MED6: variants seen among roughly 807,000 people sequenced by gnomAD.
MED6 encodes the protein mediator complex subunit 6, also known as mediator of RNA polymerase II transcription subunit 6.
Under a neutral mutation model 37.5 loss-of-function variants are expected in MED6, and 33 were observed. That is an observed-to-expected ratio of 0.88 (90% CI 0.67 to 1.18). The LOEUF (loss-of-function observed/expected upper bound fraction) is 1.18. Ranked by LOEUF, MED6 falls within the 50% of genes most tolerant of loss-of-function variation. The pLI is 0.00. For synonymous variants in MED6, 94 were observed against 93.6 expected (o/e 1.00, Z -0.02); for missense variants, 235 against 290.6 (o/e 0.81, Z 1.39).
intron 6 of MED6, among the ~76,000 whole-genome samples, chr14:70,586,057 A>G (rs531254589): frequency 2.0e-5 from 3 of 152,318 alleles, no homozygotes; most frequent in African/African-American, 7.2e-5. Flanking sequence ...ACATTTAACA[A>G]AGACTTCCAC....
intron 6 of MED6, among the ~76,000 whole-genome samples, chr14:70,590,414 C>T (rs977920312): frequency 1.3e-5 from 2 of 152,224 alleles, no homozygotes; most frequent in African/African-American, 4.8e-5. Flanking sequence ...CTTGTGTCCT[C>T]TGCTCTCTTC....
At chr14:70,585,636 C>G in intron 7 of MED6, 120 bp downstream of exon 7, 1 of 755,424 alleles carries the variant, frequency 1.3e-6, no homozygotes, top group African/African-American at 1.9e-5. Flanking sequence ...CCAATGAGAC[C>G]CAGCCCCAGC....
chr14:70,586,584 C>T (rs574023793), intron 6 of MED6, among the ~76,000 whole-genome samples: 7 of 152,304 alleles, frequency 4.6e-5, no homozygotes, highest in Admixed American at 6.5e-5. Flanking sequence ...TACCTTATTA[C>T]TTCCATATCA....
chr14:70,584,766 T>G lies in MED6; in HGVS notation c.*47A>C, dbSNP rs1411881895. ...GCTCAAGAGCCACAGTACTGAGGTA[T>G]GATAACTAGCATGAGGAGTCTTCCA... On this transcript the variant is annotated 3_prime_UTR_variant, in exon 8 of 8. Coordinates refer to ENST00000256379, the MANE Select transcript of MED6 (RefSeq NM_005466.4). The G allele has an allele frequency of 2.5e-6, 4 of 1,596,018 alleles. No individual in the cohort carries two copies. In the African/African-American group the frequency reaches 4.1e-5, roughly 16 times the overall value.
chr14:70,591,188 A>C (rs1884859300), intron 6 of MED6, 78 bp downstream of exon 6: 5 of 1,114,256 alleles, frequency 4.5e-6, no homozygotes, highest in Non-Finnish European at 6.6e-6. Flanking sequence ...TCACATCTGA[A>C]ACAGTTCTCA....
intron 6 of MED6, among the ~76,000 whole-genome samples, chr14:70,590,715 G>T (rs550373880): frequency 1.3e-5 from 2 of 152,260 alleles, no homozygotes; most frequent in South Asian, 4.1e-4. Flanking sequence ...AGGTGGATTT[G>T]CTATTGCTGT....
At chr14:70,585,443 G>C (rs1358231547) in intron 7 of MED6, among the ~76,000 whole-genome samples, 1 of 152,140 alleles carries the variant, frequency 6.6e-6, no homozygotes, top group Non-Finnish European at 1.5e-5. Context: ...ACTACAATGG[G>C]AGACTCTAGA....
intron 3 of MED6, chr14:70,596,408 C>A (rs947741316): frequency 4.2e-6 from 2 of 480,422 alleles, no homozygotes; most frequent in African/African-American, 3.8e-5. Context: ...GGCTGCGTAC[C>A]CTTACTGTGT....
chr14:70,584,764 T>C lies in MED6; in HGVS notation c.*49A>G. On this transcript the variant is annotated 3_prime_UTR_variant, in exon 8 of 8. Coordinates refer to ENST00000256379, the MANE Select transcript of MED6 (RefSeq NM_005466.4). ...AAGCTCAAGAGCCACAGTACTGAGG[T>C]ATGATAACTAGCATGAGGAGTCTTC... 1.9e-6 allele frequency: 3 copies of C among 1,593,526 alleles called. No homozygotes were observed. The South Asian group carries it at 3.4e-5, about 18-fold the overall frequency.
chr14:70,585,148 G>C (rs945865810), intron 7 of MED6, among the ~76,000 whole-genome samples: 1 of 152,034 alleles, frequency 6.6e-6, no homozygotes, highest in African/African-American at 2.4e-5. Context: ...AATGATACTA[G>C]ACAAAACTAC....
At chr14:70,591,142 C>G (rs922368938) in intron 6 of MED6, 124 bp downstream of exon 6, 1 of 709,586 alleles carries the variant, frequency 1.4e-6, no homozygotes, top group Non-Finnish European at 2.3e-6. Context: ...ATACAGAGAT[C>G]ATTTTTTAAC....
At chr14:70,592,719 T>G (rs1172746157) in intron 5 of MED6, 161 bp downstream of exon 5, 2 of 637,536 alleles carry the variant, frequency 3.1e-6, no homozygotes, top group Non-Finnish European at 5.2e-6. Flanking sequence ...AAAGCTATTA[T>G]TACCACATCT....
In MED6 at chr14:70,584,223, G is replaced by C. The variant is rs753390369; in HGVS notation, c.*590C>G. On this transcript the variant is annotated 3_prime_UTR_variant, in exon 8 of 8. Transcript: ENST00000256379. ...AATATCAGTTATGATGAAGAAAAAA[G>C]TCATGATGAAGCAATATATACAAAT... The C allele has an allele frequency of 6.7e-6, 5 of 741,170 alleles. No homozygotes were observed. In the East Asian group the frequency reaches 1.2e-4, roughly 18 times the overall value. 45.9% of individuals were successfully genotyped at this position (741,170 alleles called of 1,614,324 possible).
At chr14:70,591,834 TTC>T (rs1884879328) in intron 5 of MED6, 2 of 151,986 alleles carry the variant, frequency 1.3e-5, no homozygotes, top group African/African-American at 4.8e-5. Flanking sequence ...AAGACTGTAA[TTC>T]ACTAAAAAAA....
chr14:70,596,613 T>C lies in MED6; in HGVS notation c.272A>G (p.Gln91Arg). 1 of 1,609,396 alleles carries C rather than the reference T, an allele frequency of 6.2e-7. No homozygotes were observed. Among genetic ancestry groups the C allele is most frequent in the Non-Finnish European group, 8.5e-7 (1 of 1,176,206 alleles). Residue 91 changes from glutamine (Q) to arginine (R), a missense_variant and splice_region_variant, in exon 3 of 8, where the codon CAA becomes CGA. Transcript: ENST00000256379. ...TGCCTAAAGTTTACACATTTTACCT[T>C]GGGCAGGGGACTGCCGCTGTTGCTT... ...IRKQQRQSPA[Q>R]VIPLADYYII... is the part of the protein sequence containing the mutation.
rs1487897825 is a variant in MED6, at chr14:70,584,798, T to C, written c.*15A>G. 4.4e-6 allele frequency: 7 copies of C among 1,608,850 alleles called. No homozygotes were observed. The Admixed American group carries it at 6.8e-5, about 16-fold the overall frequency. On this transcript the variant is annotated 3_prime_UTR_variant, in exon 8 of 8. Transcript: ENST00000256379. Reference sequence around the variant, plus strand: ...TAGCATGAGGAGTCTTCCAGGCTTCTCTTTTGTCCAGTACTCACTGAAGTC... The same window carrying C: ...TAGCATGAGGAGTCTTCCAGGCTTCCCTTTTGTCCAGTACTCACTGAAGTC...
intron 3 of MED6, among the ~76,000 whole-genome samples, chr14:70,596,042 A>G (rs1474866962): frequency 6.6e-6 from 1 of 152,216 alleles, no homozygotes; most frequent in East Asian, 1.9e-4. Context: ...GTATCCAAGT[A>G]TACAACTAGT....
chr14:70,595,392 T>A (rs1885013374), intron 3 of MED6: 2 of 566,508 alleles, frequency 3.5e-6, no homozygotes, highest in Non-Finnish European at 6.7e-6. Flanking sequence ...CACTATGCAG[T>A]CTGCCAAGGT....
chr14:70,587,108 A>G (rs1884732089), intron 6 of MED6, among the ~76,000 whole-genome samples: 1 of 152,212 alleles, frequency 6.6e-6, no homozygotes, highest in South Asian at 2.1e-4. Flanking sequence ...CTTGGGTACC[A>G]GGTCTCTAAT....
Sources: gnomAD v4.1 joint callset for allele counts (sites outside exome capture counted in the v4.1 genomes callset) on GRCh38, gnomAD v4.1.1 for gene constraint, MANE v1.5 for transcripts, NCBI Gene and HGNC (gene_info 2026-07-23, HGNC 2026-07-21) for gene names.